The following PRKAR1B variants were observed in gnomAD, a reference collection of about 807,000 sequenced individuals.
PRKAR1B encodes protein kinase cAMP-dependent type I regulatory subunit beta, also known as cAMP-dependent protein kinase type I-beta regulatory subunit.
Under a neutral mutation model 46.5 loss-of-function variants are expected in PRKAR1B, and 22 were observed. The observed-to-expected ratio is 0.47, with a 90% CI of 0.34 to 0.68. PRKAR1B has a LOEUF of 0.68. PRKAR1B is among the 30% of genes least tolerant of loss of function. The probability of loss-of-function intolerance (pLI) is 0.01; values close to 1 mark genes in which losing one functional copy is unlikely to be tolerated. For missense variants in PRKAR1B, 445 were observed against 535.6 expected (o/e 0.83, Z 1.67); for synonymous variants, 259 against 217.7 (o/e 1.19, Z -1.67).
chr7:624,090 G>C (rs967987825), intron 4 of PRKAR1B, among the ~76,000 whole-genome samples: 3 of 152,168 alleles, frequency 2.0e-5, no homozygotes, highest in Non-Finnish European at 4.4e-5. Flanking sequence ...TTTGGATGAA[G>C]ACCAGCACCC....
chr7:647,976 G>C (rs1449416856), intron 4 of PRKAR1B, among the ~76,000 whole-genome samples: 1 of 151,540 alleles, frequency 6.6e-6, no homozygotes, highest in African/African-American at 2.4e-5. Flanking sequence ...CAAGACCCCA[G>C]CTCTACAAAA....
chr7:550,055 C>T lies in PRKAR1B; in HGVS notation c.*375G>A. 1 of 220,024 alleles carries T rather than the reference C, an allele frequency of 4.5e-6. No individual in the cohort carries two copies. Among genetic ancestry groups the T allele is most frequent in the Non-Finnish European group, 9.1e-6 (1 of 110,224 alleles). 13.6% of individuals were successfully genotyped at this position (220,024 alleles called of 1,614,324 possible). On this transcript the variant is annotated 3_prime_UTR_variant, in exon 11 of 11. Coordinates refer to ENST00000537384, the MANE Select transcript of PRKAR1B (RefSeq NM_001164760.2). ...TGGGGGACCTGACCTCACAGGGTCA[C>T]CAGGCCCCAGGGGCAACGTCCTGGC...
At position 701,327 on chromosome 7, in the gene PRKAR1B, GAAGAA is replaced by G. The variant is rs1194251033; in HGVS notation, c.177+9997_177+10001del. Among the ~76,000 whole-genome samples the G allele has an allele frequency of 1.1e-3, 164 of 150,110 alleles. 1 individual carries two copies. Among genetic ancestry groups the G allele is most frequent in the African/African-American group, 3.6e-3 (150 of 41,170 alleles). ...AAGAAAGAAAGAAAGAAAAGAAAGA[GAAGAA>G]AAGAAAAGAAAAAGAAAGAAAGAAA... On this transcript the variant is annotated intron_variant, in intron 2 of 10. Transcript: ENST00000537384.
At chr7:658,746 G>A (rs1361508011) in intron 4 of PRKAR1B, among the ~76,000 whole-genome samples, 3 of 152,126 alleles carry the variant, frequency 2.0e-5, no homozygotes, top group Non-Finnish European at 4.4e-5. Flanking sequence ...CACCTCCCTG[G>A]TTCAAGTGAT....
intron 6 of PRKAR1B, 151 bp downstream of exon 6, chr7:606,042 A>G: frequency 1.4e-6 from 1 of 703,380 alleles, no homozygotes; most frequent in Non-Finnish European, 2.5e-6. Flanking sequence ...TTCTCTTCCA[A>G]GAGATAGCAG....
intron 4 of PRKAR1B, among the ~76,000 whole-genome samples, chr7:631,615 C>T (rs1293602967): frequency 6.6e-6 from 1 of 152,192 alleles, no homozygotes; most frequent in Non-Finnish European, 1.5e-5. Flanking sequence ...CACGCAAACC[C>T]AGCCCACTGT....
At chr7:613,360 C>T (rs188820368) in intron 4 of PRKAR1B, among the ~76,000 whole-genome samples, 12 of 151,482 alleles carry the variant, frequency 7.9e-5, no homozygotes, top group Non-Finnish European at 1.5e-4. Flanking sequence ...ACGACACGTA[C>T]GCTTAAGGGC....
At chr7:565,350 G>C (rs1779063272) in intron 9 of PRKAR1B, 1 of 152,228 alleles carries the variant, frequency 6.6e-6, no homozygotes. Flanking sequence ...ATCCAAAGGA[G>C]AGCAGGTGAC....
At chr7:726,397 C>A (rs1265288154) in intron 1 of PRKAR1B, among the ~76,000 whole-genome samples, 1 of 152,182 alleles carries the variant, frequency 6.6e-6, no homozygotes, top group African/African-American at 2.4e-5. Context: ...CTTCTCCAAG[C>A]CCCCTAGGCT....
intron 1 of PRKAR1B, among the ~76,000 whole-genome samples, chr7:722,146 G>A (rs1781097365): frequency 2.2e-5 from 3 of 139,126 alleles, no homozygotes; most frequent in South Asian, 4.8e-4. Flanking sequence ...TGTCACCCAG[G>A]CTGGAGTGCG....
At position 579,337 on chromosome 7, in the gene PRKAR1B, C is replaced by A. The variant is rs77809618; in HGVS notation, c.810G>T (p.Ala270=). The change falls in exon 9 of 11, where the codon GCG becomes GCT. Residue 270 remains alanine, a synonymous_variant. Transcript: ENST00000537384. ...CATCTTCAAACTGGACGGGCTCCAG[C>A]GCATCCGCCACGGTCAGACGCTCCC... ...EKWERLTVAD[A]LEPVQFEDGE... 1.2e-6 allele frequency: 2 copies of A among 1,614,018 alleles called. No homozygotes were observed. Among genetic ancestry groups the A allele is most frequent in the Admixed American group, 1.7e-5 (1 of 60,014 alleles).
At chr7:688,849 T>A (rs549648929) in intron 2 of PRKAR1B, among the ~76,000 whole-genome samples, 1 of 152,250 alleles carries the variant, frequency 6.6e-6, no homozygotes. Flanking sequence ...ACTAGAATAC[T>A]GCCTGGGCTT....
At chr7:596,953 C>T (rs1024445357) in intron 6 of PRKAR1B, among the ~76,000 whole-genome samples, 2 of 152,396 alleles carry the variant, frequency 1.3e-5, no homozygotes, top group African/African-American at 2.4e-5. Context: ...GGCCGAGCTG[C>T]GCCTGGGAAG....
At chr7:674,785 C>G (rs936527207) in intron 4 of PRKAR1B, among the ~76,000 whole-genome samples, 1 of 152,260 alleles carries the variant, frequency 6.6e-6, no homozygotes, top group Non-Finnish European at 1.5e-5. Context: ...CTAACCACTG[C>G]TCAACCACAG....
chr7:680,439 G>T, intron 3 of PRKAR1B, 117 bp downstream of exon 3: 2 of 1,077,148 alleles, frequency 1.9e-6, no homozygotes, highest in Non-Finnish European at 2.6e-6. Context: ...CCTCCAACCA[G>T]GATGACACTG....
intron 4 of PRKAR1B, among the ~76,000 whole-genome samples, chr7:646,392 T>C (rs1784624399): frequency 1.3e-5 from 2 of 152,260 alleles, no homozygotes; most frequent in Admixed American, 1.3e-4. Flanking sequence ...AGAAGGACGG[T>C]GCATAAATTC....
At chr7:559,128 C>T (rs1371984065) in intron 9 of PRKAR1B, among the ~76,000 whole-genome samples, 10 of 152,234 alleles carry the variant, frequency 6.6e-5, no homozygotes, top group Non-Finnish European at 1.2e-4. Context: ...CGGCCGTGAA[C>T]GAGGAGGCCA....
chr7:684,321 T>C (rs1778882236), intron 2 of PRKAR1B, among the ~76,000 whole-genome samples: 1 of 152,228 alleles, frequency 6.6e-6, no homozygotes, highest in Non-Finnish European at 1.5e-5. Context: ...TGCGATCATT[T>C]AAATATATCT....
chr7:551,444 C>T lies in PRKAR1B; in HGVS notation c.918G>A (p.Arg306=). Residue 306 remains arginine, a synonymous_variant, in exon 10 of 11, where the codon CGG becomes CGA. Coordinates refer to ENST00000537384, the MANE Select transcript of PRKAR1B (RefSeq NM_001164760.2). The stretch of plus-strand genomic sequence containing the variant: ...CCTCCACGTACTCCTCATTGGGGGA[C>T]CGGCGCTGCAGCACGGACGCGGTGC... ...TEGTASVLQR[R]SPNEEYVEVG... is the part of the protein sequence containing the mutation. 3 of 1,558,958 alleles carry T rather than the reference C, an allele frequency of 1.9e-6. No homozygotes were observed. Among genetic ancestry groups the T allele is most frequent in the South Asian group, 1.2e-5 (1 of 84,782 alleles).
Sources: gnomAD v4.1 joint callset for allele counts (sites outside exome capture counted in the v4.1 genomes callset) on GRCh38, gnomAD v4.1.1 for gene constraint, MANE v1.5 for transcripts, NCBI Gene and HGNC (gene_info 2026-07-23, HGNC 2026-07-21) for gene names.